The following RHOA variants were observed in gnomAD, a reference collection of about 807,000 sequenced individuals.
RHOA encodes ras homolog family member A.
Under a neutral mutation model 17.5 loss-of-function variants are expected in RHOA, and 3 were observed. The ratio of observed to expected loss-of-function variants is 0.17; its 90% CI spans 0.08 to 0.44. The LOEUF (loss-of-function observed/expected upper bound fraction) is 0.44. Among genes scored for constraint, RHOA ranks in the 20% least tolerant of loss-of-function variants. The pLI, the probability that RHOA is intolerant of heterozygous loss-of-function variation, is 0.99. For synonymous variants in RHOA, 98 were observed against 88.4 expected, an observed-to-expected ratio of 1.11 and a Z score of -0.61; for missense variants, 56 against 242.3, an observed-to-expected ratio of 0.23 and a Z score of 5.10.
chr3:49,403,023 C>T (rs1485710643), intron 1 of RHOA, among the ~76,000 whole-genome samples: 4 of 136,298 alleles, frequency 2.9e-5, no homozygotes, highest in African/African-American at 1.1e-4. Context: ...GGCAACAGAG[C>T]GAGATTCCAT....
At chr3:49,390,979 G>A (rs2048492378) in intron 1 of RHOA, among the ~76,000 whole-genome samples, 1 of 151,956 alleles carries the variant, frequency 6.6e-6, no homozygotes, top group Non-Finnish European at 1.5e-5. Context: ...AGCACTTTGG[G>A]AGGCTGAGGC....
chr3:49,390,968 C>T (rs186097845), intron 1 of RHOA, among the ~76,000 whole-genome samples: 25 of 152,018 alleles, frequency 1.6e-4, no homozygotes, highest in African/African-American at 5.5e-4. Flanking sequence ...CCTGTAATCC[C>T]AGCACTTTGG....
intron 3 of RHOA, among the ~76,000 whole-genome samples, chr3:49,364,655 C>T (rs1274038434): frequency 2.6e-5 from 4 of 151,696 alleles, no homozygotes; most frequent in African/African-American, 7.3e-5. Flanking sequence ...AGCGAGACTC[C>T]GTCTCAAAAT....
intron 1 of RHOA, among the ~76,000 whole-genome samples, chr3:49,384,389 C>A (rs959088301): frequency 3.9e-5 from 6 of 152,166 alleles, no homozygotes; most frequent in Non-Finnish European, 8.8e-5. Flanking sequence ...ATTTTCCAGG[C>A]TAGGTTTAGT....
chr3:49,381,034 T>C (rs1008720082), intron 1 of RHOA, among the ~76,000 whole-genome samples: 1 of 151,474 alleles, frequency 6.6e-6, no homozygotes, highest in Admixed American at 6.6e-5. Context: ...AAATTGAAGA[T>C]ACTACTAATC....
At chr3:49,393,240 C>G (rs1367790882) in intron 1 of RHOA, among the ~76,000 whole-genome samples, 1 of 152,080 alleles carries the variant, frequency 6.6e-6, no homozygotes, top group Non-Finnish European at 1.5e-5. Context: ...ACGCTTCCTT[C>G]TTAGTCACTC....
At chr3:49,391,998 C>T (rs193100715) in intron 1 of RHOA, among the ~76,000 whole-genome samples, 2 of 151,248 alleles carry the variant, frequency 1.3e-5, no homozygotes, top group African/African-American at 4.8e-5. Flanking sequence ...CGGCTCATTT[C>T]CGTATTTTTA....
chr3:49,373,693 A>C (rs2048180132), intron 2 of RHOA, among the ~76,000 whole-genome samples: 1 of 152,086 alleles, frequency 6.6e-6, no homozygotes, highest in African/African-American at 2.4e-5. Context: ...AGTGCCAGCT[A>C]TTTGGGAGGC....
intron 1 of RHOA, among the ~76,000 whole-genome samples, chr3:49,382,666 T>C (rs2048336359): frequency 6.6e-6 from 1 of 151,852 alleles, no homozygotes; most frequent in African/African-American, 2.4e-5. Context: ...ACTTTACATC[T>C]CTCATAAGGC....
chr3:49,402,171 G>A (rs929178592), intron 1 of RHOA, among the ~76,000 whole-genome samples: 11 of 152,158 alleles, frequency 7.2e-5, no homozygotes, highest in African/African-American at 2.7e-4. Flanking sequence ...ATCTCAAAAT[G>A]TAAATATTAT....
At chr3:49,397,927 G>A (rs372507742) in intron 1 of RHOA, among the ~76,000 whole-genome samples, 16 of 152,168 alleles carry the variant, frequency 1.1e-4, no homozygotes, top group African/African-American at 3.9e-4. Flanking sequence ...GAGAATAAAC[G>A]GACTAAGGAA....
intron 1 of RHOA, among the ~76,000 whole-genome samples, chr3:49,382,124 C>G (rs1470652233): frequency 1.3e-5 from 2 of 149,348 alleles, no homozygotes; most frequent in Non-Finnish European, 3.0e-5. Flanking sequence ...TCGAGACCAT[C>G]CTGGCTAACA....
intron 1 of RHOA, among the ~76,000 whole-genome samples, chr3:49,394,833 T>C (rs1009229897): frequency 1.3e-5 from 2 of 152,140 alleles, no homozygotes; most frequent in Non-Finnish European, 2.9e-5. Flanking sequence ...TAAGATGATA[T>C]CTGACCTGGA....
At chr3:49,406,846 A>G (rs566673990) in intron 1 of RHOA, 10 of 152,284 alleles carry the variant, frequency 6.6e-5, no homozygotes, top group African/African-American at 9.6e-5. Context: ...AAGCAAAAAA[A>G]TTTTAAAAAC....
chr3:49,400,074 T>C (rs548590620), intron 1 of RHOA, among the ~76,000 whole-genome samples: 2 of 151,780 alleles, frequency 1.3e-5, no homozygotes, highest in East Asian at 3.9e-4. Context: ...TAGCTGGGCA[T>C]GGTGGCACGT....
chr3:49,407,034 C>T (rs1235926260), intron 1 of RHOA, among the ~76,000 whole-genome samples: 2 of 151,686 alleles, frequency 1.3e-5, no homozygotes, highest in Non-Finnish European at 2.9e-5. Context: ...GTAGTCCCAG[C>T]TACTCTAGAG....
chr3:49,380,930 A>G (rs1487452447), intron 1 of RHOA, among the ~76,000 whole-genome samples: 1 of 69,726 alleles, frequency 1.4e-5, no homozygotes, highest in East Asian at 2.4e-3. Flanking sequence ...AGCAGTGAAT[A>G]CGTGTGTGTG....
chr3:49,381,312 G>A (rs2048312788), intron 1 of RHOA, among the ~76,000 whole-genome samples: 1 of 151,828 alleles, frequency 6.6e-6, no homozygotes, highest in Non-Finnish European at 1.5e-5. Flanking sequence ...GGCTGAGGCA[G>A]GAGAATCTCC....
intron 1 of RHOA, among the ~76,000 whole-genome samples, chr3:49,401,558 C>CAAAAA (rs5848878): frequency 7.6e-6 from 1 of 131,928 alleles, no homozygotes; most frequent in Non-Finnish European, 1.6e-5. Context: ...AACTCTGTCT[C>CAAAAA]AAAAAAAAAA....
Sources: allele counts gnomAD v4.1 joint callset (sites outside exome capture counted in the v4.1 genomes callset), GRCh38; gene constraint gnomAD v4.1.1; transcripts MANE v1.5; gene names NCBI Gene and HGNC (gene_info 2026-07-23, HGNC 2026-07-21).